OTUD7A: variants seen among roughly 807,000 people sequenced by gnomAD.
OTUD7A encodes OTU domain-containing protein 7A.
Under a neutral mutation model 65.7 loss-of-function variants are expected in OTUD7A, and 12 were observed. The ratio of observed to expected loss-of-function variants is 0.18; its 90% CI spans 0.12 to 0.30. The LOEUF is 0.30. OTUD7A is among the 10% of genes least tolerant of loss of function. The pLI, the probability that OTUD7A is intolerant of heterozygous loss-of-function variation, is 1.00. For missense variants in OTUD7A, 1,148 were observed against 1,304.8 expected, an observed-to-expected ratio of 0.88 and a Z score of 1.85; for synonymous variants, 641 against 586.3, an observed-to-expected ratio of 1.09 and a Z score of -1.35.
chr15:31,553,935 C>CA (rs1318702183), intron 5 of OTUD7A, among the ~76,000 whole-genome samples: 1 of 152,186 alleles, frequency 6.6e-6, no homozygotes, highest in Non-Finnish European at 1.5e-5. Context: ...CAAAACCCTC[C>CA]AGGGGCTGCT....
intron 1 of OTUD7A, among the ~76,000 whole-genome samples, chr15:31,699,208 T>C (rs1893155939): frequency 6.6e-6 from 1 of 151,226 alleles, no homozygotes; most frequent in Admixed American, 6.6e-5. Flanking sequence ...GCCTCCCGAG[T>C]AGCTGGGACT....
intron 1 of OTUD7A, among the ~76,000 whole-genome samples, chr15:31,700,671 G>A (rs1256461831): frequency 6.6e-6 from 1 of 151,374 alleles, no homozygotes; most frequent in East Asian, 1.9e-4. Flanking sequence ...CCCTTGTATA[G>A]ATGCCACTAT....
At chr15:31,833,508 C>T (rs1896984724) in intron 1 of OTUD7A, among the ~76,000 whole-genome samples, 1 of 152,190 alleles carries the variant, frequency 6.6e-6, no homozygotes, top group Non-Finnish European at 1.5e-5. Context: ...TCACGAATGG[C>T]AATAGCCTTG....
At chr15:31,767,385 G>A (rs1895118343) in intron 1 of OTUD7A, 2 of 775,932 alleles carry the variant, frequency 2.6e-6, no homozygotes, top group South Asian at 2.7e-5. Flanking sequence ...ATCTGTGATT[G>A]TTCTGAATAC....
intron 1 of OTUD7A, among the ~76,000 whole-genome samples, chr15:31,847,595 G>A (rs1383335027): frequency 1.3e-5 from 2 of 152,196 alleles, no homozygotes; most frequent in African/African-American, 2.4e-5. Flanking sequence ...GGAAGACCTT[G>A]CTTTGGAGAT....
chr15:31,867,712 C>T (rs1210115954), intron 1 of OTUD7A, among the ~76,000 whole-genome samples: 1 of 152,180 alleles, frequency 6.6e-6, no homozygotes, highest in Non-Finnish European at 1.5e-5. Flanking sequence ...CACTCACTTC[C>T]GCAGTCTGAG....
intron 1 of OTUD7A, among the ~76,000 whole-genome samples, chr15:31,812,206 C>T (rs989898999): frequency 1.3e-5 from 2 of 151,946 alleles, no homozygotes; most frequent in East Asian, 1.9e-4. Flanking sequence ...GGACCCACTG[C>T]CATACTAACC....
chr15:31,766,428 C>T (rs1187228958), intron 1 of OTUD7A: 23 of 1,575,422 alleles, frequency 1.5e-5, no homozygotes, highest in South Asian at 1.3e-4. Flanking sequence ...ACTTTGTGTG[C>T]CAGTCAACAC....
chr15:31,844,872 C>A (rs922217371), intron 1 of OTUD7A, among the ~76,000 whole-genome samples: 4 of 152,230 alleles, frequency 2.6e-5, no homozygotes, highest in African/African-American at 9.6e-5. Flanking sequence ...TCACTCAGGG[C>A]CCTGCTTACT....
chr15:31,659,874 G>A (rs889742011), intron 1 of OTUD7A, among the ~76,000 whole-genome samples: 38 of 152,248 alleles, frequency 2.5e-4, no homozygotes, highest in Non-Finnish European at 5.9e-5. Context: ...ATCTGGGGTC[G>A]AGCACAGGCT....
intron 5 of OTUD7A, among the ~76,000 whole-genome samples, chr15:31,536,487 T>C (rs981074655): frequency 6.6e-5 from 10 of 152,224 alleles, no homozygotes; most frequent in Non-Finnish European, 1.2e-4. Context: ...ATGTTTATAA[T>C]AGATATTTCC....
In OTUD7A at chr15:31,808,141, A is replaced by ACACAC. The variant is rs1567034348; in HGVS notation, c.-100+62365_-100+62366insGTGTG. Among the ~76,000 whole-genome samples, 6 of 49,572 alleles carry ACACAC rather than the reference A, an allele frequency of 1.2e-4. 1 individual carries two copies. Among genetic ancestry groups the ACACAC allele is most frequent in the South Asian group, 4.3e-4 (1 of 2,300 alleles). The allele number at this position is 49,572 out of a possible 152,430, so 32.5% of individuals were successfully genotyped here. A position where few individuals can be genotyped will look rare whatever the true frequency, so the allele number is the denominator to read the frequency against. On this transcript the variant is annotated intron_variant, in intron 1 of 12. Coordinates refer to ENST00000307050, the MANE Select transcript of OTUD7A (RefSeq NM_001382637.1). ...CACACACACACACACACACACAAAC[A>ACACAC]AATCCTCACCAGGTTTTTCCTTCAC... is the stretch of plus-strand genomic sequence containing the variant.
chr15:31,768,235 T>A (rs1166648251), intron 1 of OTUD7A: 5 of 899,084 alleles, frequency 5.6e-6, no homozygotes, highest in Non-Finnish European at 9.4e-6. Context: ...TCCATGGCAG[T>A]GTAGGTGACA....
chr15:31,669,827 T>G (rs1892433893), intron 1 of OTUD7A, among the ~76,000 whole-genome samples: 3 of 152,046 alleles, frequency 2.0e-5, no homozygotes, highest in Non-Finnish European at 2.9e-5. Flanking sequence ...CCTTTCCCAC[T>G]GCTTCCTCTA....
At chr15:31,516,221 A>C (rs2041852576) in intron 8 of OTUD7A, among the ~76,000 whole-genome samples, 1 of 152,220 alleles carries the variant, frequency 6.6e-6, no homozygotes, top group Non-Finnish European at 1.5e-5. Context: ...CTGGCATGGC[A>C]TTCTTTTCAT....
chr15:31,569,997 G>A, intron 4 of OTUD7A, 21 bp downstream of exon 4: 1 of 1,612,488 alleles, frequency 6.2e-7, no homozygotes, highest in Non-Finnish European at 8.5e-7. Context: ...GCTGTGCCTA[G>A]GCTCAGTCCC....
chr15:31,707,917 C>T (rs1893344024), intron 1 of OTUD7A, among the ~76,000 whole-genome samples: 2 of 151,938 alleles, frequency 1.3e-5, no homozygotes. Context: ...GGTATGAATT[C>T]CTATGGTAAA....
At chr15:31,753,705 T>TATATATGTGATATATAACCTGTG (rs1567004916) in intron 1 of OTUD7A, among the ~76,000 whole-genome samples, 43 of 78,366 alleles carry the variant, frequency 5.5e-4, no homozygotes, top group African/African-American at 3.8e-3. Flanking sequence ...ATATATATTA[T>TATATATGTGATATATAACCTGTG]ATATATATAT....
intron 3 of OTUD7A, among the ~76,000 whole-genome samples, chr15:31,626,914 T>TG (rs35073350): frequency 0.28 from 41,638 of 148,824 alleles, 6,896 homozygotes; most frequent in African/African-American, 0.46. Flanking sequence ...TTTGTTTTTA[T>TG]GGTTTCTTTT....
Sources: gnomAD v4.1 joint callset for allele counts (sites outside exome capture counted in the v4.1 genomes callset) on GRCh38, gnomAD v4.1.1 for gene constraint, MANE v1.5 for transcripts, NCBI Gene and HGNC (gene_info 2026-07-23, HGNC 2026-07-21) for gene names.